Variants in ENTREP2 observed in about 807,000 individuals in gnomAD.
ENTREP2 encodes the protein protein ENTREP2.
the ENTREP2 span, among the ~76,000 whole-genome samples, chr15:29,602,550 T>G: frequency 6.6e-6 from 1 of 152,114 alleles, no homozygotes; most frequent in South Asian, 2.1e-4. Flanking sequence ...TATTTTATTA[T>G]TTTTTGAGAT....
At chr15:29,254,434 T>C in the ENTREP2 span, among the ~76,000 whole-genome samples, 1 of 152,346 alleles carries the variant, frequency 6.6e-6, no homozygotes, top group East Asian at 1.9e-4. Context: ...TGTAAATTTA[T>C]TTCAGCATTC....
chr15:29,391,926 G>A, the ENTREP2 span, among the ~76,000 whole-genome samples: 2 of 152,284 alleles, frequency 1.3e-5, no homozygotes, highest in African/African-American at 2.4e-5. Flanking sequence ...CCGGGTTCAC[G>A]CCATTCTCCT....
At chr15:29,476,673 G>A in the ENTREP2 span, among the ~76,000 whole-genome samples, 1 of 152,208 alleles carries the variant, frequency 6.6e-6, no homozygotes, top group Non-Finnish European at 1.5e-5. Flanking sequence ...CGACTGCAAA[G>A]ATGAGGCAGA....
At chr15:29,608,615 C>T in the ENTREP2 span, among the ~76,000 whole-genome samples, 19 of 151,148 alleles carry the variant, frequency 1.3e-4, no homozygotes, top group South Asian at 3.4e-3. Flanking sequence ...AGTGCAGTGG[C>T]GCCATCTCGG....
At chr15:29,542,539 C>CAA in the ENTREP2 span, among the ~76,000 whole-genome samples, 1 of 150,128 alleles carries the variant, frequency 6.7e-6, no homozygotes, top group Non-Finnish European at 1.5e-5. Context: ...CTCCTGACCT[C>CAA]GTGATCCGCC....
the ENTREP2 span, among the ~76,000 whole-genome samples, chr15:29,586,586 G>A: frequency 3.9e-5 from 6 of 152,042 alleles, no homozygotes; most frequent in Admixed American, 1.3e-4. Context: ...CAAGGTGGGC[G>A]GATCCCTTTA....
the ENTREP2 span, among the ~76,000 whole-genome samples, chr15:29,161,032 T>G: frequency 6.6e-6 from 1 of 152,152 alleles, no homozygotes; most frequent in Non-Finnish European, 1.5e-5. Flanking sequence ...CCCACACCAT[T>G]TATTCTTTGT....
the ENTREP2 span, among the ~76,000 whole-genome samples, chr15:29,186,033 G>C: frequency 2.0e-5 from 3 of 152,158 alleles, no homozygotes; most frequent in Admixed American, 1.3e-4. Context: ...ACTTTCTCCA[G>C]TCTGGTGTTT....
At chr15:29,611,652 A>G in the ENTREP2 span, among the ~76,000 whole-genome samples, 3 of 150,880 alleles carry the variant, frequency 2.0e-5, no homozygotes, top group East Asian at 5.9e-4. Context: ...TTCCCCATCC[A>G]ATTCCCGATT....
the ENTREP2 span, among the ~76,000 whole-genome samples, chr15:29,444,206 G>GAAAGAAAGAAAGAAAGAAAGAAAGA: frequency 2.1e-5 from 3 of 144,530 alleles, no homozygotes; most frequent in African/African-American, 8.1e-5. Context: ...AAGAAAGAAA[G>GAAAGAAAGAAAGAAAGAAAGAAAGA]AAAGAAAGAA....
the ENTREP2 span, among the ~76,000 whole-genome samples, chr15:29,521,637 T>C: frequency 6.6e-6 from 1 of 152,006 alleles, no homozygotes; most frequent in African/African-American, 2.4e-5. Context: ...GATTGCAGAG[T>C]AAGAGTCTCT....
chr15:29,556,121 T>C, the ENTREP2 span, among the ~76,000 whole-genome samples: 1 of 151,386 alleles, frequency 6.6e-6, no homozygotes, highest in South Asian at 2.1e-4. Flanking sequence ...TAGCCGGGAG[T>C]GGTGGCATGC....
the ENTREP2 span, among the ~76,000 whole-genome samples, chr15:29,574,412 G>A: frequency 1.3e-5 from 2 of 152,146 alleles, no homozygotes; most frequent in Non-Finnish European, 2.9e-5. Flanking sequence ...TCGTGCCTCA[G>A]CCTCCTGAGT....
chr15:29,222,407 G>A, the ENTREP2 span, among the ~76,000 whole-genome samples: 63 of 152,170 alleles, frequency 4.1e-4, no homozygotes, highest in Admixed American at 1.0e-3. Flanking sequence ...TGCCTATGGA[G>A]AGCCATTCTT....
At chr15:29,640,109 C>T in the ENTREP2 span, among the ~76,000 whole-genome samples, 1 of 152,130 alleles carries the variant, frequency 6.6e-6, no homozygotes, top group East Asian at 1.9e-4. Flanking sequence ...GTTGGCCAAC[C>T]TTTACCTAGG....
At chr15:29,135,437 C>T in the ENTREP2 span, among the ~76,000 whole-genome samples, 2 of 151,686 alleles carry the variant, frequency 1.3e-5, no homozygotes, top group Non-Finnish European at 2.9e-5. This position sits in a 1 kb window ranked among gnomAD's most constrained non-coding sequence, Gnocchi z 7.4. Flanking sequence ...CTTGGAAGAT[C>T]CCTTGCACTA....
chr15:29,438,030 C>T, the ENTREP2 span, among the ~76,000 whole-genome samples: 729 of 152,286 alleles, frequency 4.8e-3, 11 homozygotes, highest in East Asian at 0.015. Context: ...TGCCAGGACC[C>T]CACCTGGACA....
chr15:29,225,391 G>A, the ENTREP2 span, among the ~76,000 whole-genome samples: 1 of 152,244 alleles, frequency 6.6e-6, no homozygotes, highest in Non-Finnish European at 1.5e-5. Flanking sequence ...AATGCTAGAT[G>A]ATTAGATGAT....
At chr15:29,181,692 T>C in the ENTREP2 span, among the ~76,000 whole-genome samples, 9 of 152,182 alleles carry the variant, frequency 5.9e-5, no homozygotes, top group Non-Finnish European at 1.0e-4. Context: ...TGAATGTGTA[T>C]ATACATATAT....
Sources: allele counts gnomAD v4.1 joint callset (sites outside exome capture counted in the v4.1 genomes callset), GRCh38; gene constraint gnomAD v4.1.1; non-coding constraint Gnocchi (gnomAD v3.1); transcripts MANE v1.5; gene names NCBI Gene and HGNC (gene_info 2026-07-23, HGNC 2026-07-21).